The following GNAI3 variants were observed in gnomAD, a reference collection of about 807,000 sequenced individuals.
GNAI3 encodes G protein subunit alpha i3.
GNAI3 carries 12 observed loss-of-function variants against 41.8 expected under a neutral mutation model. The ratio of observed to expected loss-of-function variants is 0.29; its 90% CI spans 0.18 to 0.47. The LOEUF (loss-of-function observed/expected upper bound fraction) is 0.47, where lower values mean the gene tolerates loss of function less well. Among genes scored for constraint, GNAI3 ranks in the 20% least tolerant of loss-of-function variants. GNAI3 has a pLI of 1.00. For synonymous variants in GNAI3, 132 were observed against 146.5 expected, an observed-to-expected ratio of 0.90 and a Z score of 0.71; for missense variants, 360 against 429.6, an observed-to-expected ratio of 0.84 and a Z score of 1.43.
At chr1:109,569,830 C>T (rs1396324368) in intron 1 of GNAI3, among the ~76,000 whole-genome samples, 3 of 150,642 alleles carry the variant, frequency 2.0e-5, no homozygotes, top group Non-Finnish European at 3.0e-5. Context: ...TTTTAATCAG[C>T]GCATCCATAG....
chr1:109,571,587 G>A (rs1203653385), intron 1 of GNAI3, among the ~76,000 whole-genome samples: 1 of 152,200 alleles, frequency 6.6e-6, no homozygotes, highest in Non-Finnish European at 1.5e-5. Flanking sequence ...CTCACTAGAT[G>A]TTAACTGTTA....
At chr1:109,583,163 T>A (rs1648938041) in intron 5 of GNAI3, among the ~76,000 whole-genome samples, 1 of 152,188 alleles carries the variant, frequency 6.6e-6, no homozygotes, top group Non-Finnish European at 1.5e-5. Context: ...AGAGGTATTT[T>A]GGGTTGGTAA....
At chr1:109,557,237 T>G (rs931368400) in intron 1 of GNAI3, among the ~76,000 whole-genome samples, 15 of 152,106 alleles carry the variant, frequency 9.9e-5, no homozygotes, top group African/African-American at 3.6e-4. Context: ...GCCTCGCCAT[T>G]GGTGAAACTG....
intron 6 of GNAI3, 101 bp downstream of exon 6, chr1:109,586,446 A>C (rs921544289): frequency 8.5e-7 from 1 of 1,180,716 alleles, no homozygotes; most frequent in Admixed American, 2.3e-5. Context: ...ATTCAACCAA[A>C]ACTTAGTATC....
chr1:109,556,967 ACT>A (rs1482248752), intron 1 of GNAI3, among the ~76,000 whole-genome samples: 2 of 152,096 alleles, frequency 1.3e-5, no homozygotes, highest in Non-Finnish European at 2.9e-5. Flanking sequence ...AGACAGTCTC[ACT>A]CTGTTGCCCA....
chr1:109,591,525 G>C (rs1649170920), intron 7 of GNAI3: 1 of 896,816 alleles, frequency 1.1e-6, no homozygotes, highest in Non-Finnish European at 1.8e-6. Context: ...ATCCGACCCA[G>C]TTGTTTTAAA....
intron 1 of GNAI3, among the ~76,000 whole-genome samples, chr1:109,563,213 C>T (rs935832016): frequency 2.0e-5 from 3 of 152,138 alleles, no homozygotes; most frequent in Admixed American, 2.0e-4. Context: ...GAAACTCCGT[C>T]TCTACTAAAA....
At chr1:109,552,855 G>A (rs1246798932) in intron 1 of GNAI3, among the ~76,000 whole-genome samples, 1 of 151,882 alleles carries the variant, frequency 6.6e-6, no homozygotes, top group African/African-American at 2.4e-5. Context: ...CTGGTATAAT[G>A]GATAAGAGCA....
At chr1:109,566,426 G>GA (rs1306630399) in intron 1 of GNAI3, among the ~76,000 whole-genome samples, 3 of 151,992 alleles carry the variant, frequency 2.0e-5, no homozygotes, top group South Asian at 2.1e-4. Flanking sequence ...CATGTTTGTT[G>GA]AAAAAAAATT....
chr1:109,578,328 G>C (rs1328588696), intron 3 of GNAI3, among the ~76,000 whole-genome samples: 1 of 151,896 alleles, frequency 6.6e-6, no homozygotes, highest in Non-Finnish European at 1.5e-5. Flanking sequence ...AAATTAGCTG[G>C]GCATGGTGGC....
chr1:109,551,396 C>G (rs1420627778), intron 1 of GNAI3, among the ~76,000 whole-genome samples: 2 of 152,138 alleles, frequency 1.3e-5, no homozygotes, highest in Non-Finnish European at 2.9e-5. Flanking sequence ...GTCATTTTTA[C>G]TTTATCACTA....
intron 1 of GNAI3, among the ~76,000 whole-genome samples, chr1:109,555,285 C>T (rs1648109909): frequency 1.3e-5 from 2 of 152,164 alleles, no homozygotes; most frequent in Non-Finnish European, 2.9e-5. Flanking sequence ...TCGAACTATA[C>T]TGTAAGGCCA....
chr1:109,582,423 T>C lies in GNAI3; in HGVS notation c.462-14T>C. Reference sequence around the variant, plus strand: ...TGGCTTCACCAAGTAAAAGTAAACGTGTCTTTTATTTAGTTATCTAAATGA... The same window carrying C: ...TGGCTTCACCAAGTAAAAGTAAACGCGTCTTTTATTTAGTTATCTAAATGA... On this transcript the variant is annotated splice_polypyrimidine_tract_variant and intron_variant, in intron 4 of 8. Transcript: ENST00000369851. 6.2e-7 allele frequency: 1 copy of C among 1,601,412 alleles called. No individual in the cohort carries two copies. The highest frequency in any genetic ancestry group is 8.6e-7 in the Non-Finnish European group (1 of 1,169,008).
At chr1:109,549,118 G>A (rs1647911503) in intron 1 of GNAI3, among the ~76,000 whole-genome samples, 1 of 152,200 alleles carries the variant, frequency 6.6e-6, no homozygotes. Flanking sequence ...TAGATGTTGA[G>A]GGAGTAGGAA....
chr1:109,590,196 G>A (rs1649133896), intron 7 of GNAI3, among the ~76,000 whole-genome samples: 1 of 152,186 alleles, frequency 6.6e-6, no homozygotes, highest in East Asian at 1.9e-4. Context: ...AGGGAGGTGA[G>A]AATAAGGTGA....
chr1:109,588,120 C>G (rs1257390867), intron 7 of GNAI3, among the ~76,000 whole-genome samples: 2 of 152,092 alleles, frequency 1.3e-5, no homozygotes, highest in East Asian at 3.9e-4. Context: ...GTGGCTCACG[C>G]CTGTAATCCC....
Position 109,598,778 on chromosome 1 carries a change from C to T in GNAI3, c.*6456C>T. 2.1e-6 allele frequency: 1 copy of T among 470,566 alleles called. No homozygotes were observed. The highest frequency in any genetic ancestry group is 4.6e-6 in the Non-Finnish European group (1 of 218,554). 29.1% of individuals were successfully genotyped at this position (470,566 alleles called of 1,614,324 possible). ...AGTTCCCTTCTGCAGTCTCCAGTGTCTTCTGACCTCACAGAAATGTTTTCA... is the reference window on the plus strand; with the variant it reads ...AGTTCCCTTCTGCAGTCTCCAGTGTTTTCTGACCTCACAGAAATGTTTTCA... On this transcript the variant is annotated 3_prime_UTR_variant, in exon 9 of 9. Coordinates refer to ENST00000369851, the MANE Select transcript of GNAI3 (RefSeq NM_006496.4).
intron 7 of GNAI3, among the ~76,000 whole-genome samples, chr1:109,591,304 CT>C (rs11369270): frequency 3.6e-4 from 53 of 148,330 alleles, no homozygotes; most frequent in African/African-American, 8.6e-4. Flanking sequence ...TGTTGAATTC[CT>C]TTTTTTTTTG....
At position 109,595,323 on chromosome 1, in the gene GNAI3, C is replaced by T. The variant is rs959787087; in HGVS notation, c.*3001C>T. The T allele has an allele frequency of 1.3e-5, 2 of 152,196 alleles. No individual in the cohort carries two copies. Among genetic ancestry groups the T allele is most frequent in the African/African-American group, 2.4e-5 (1 of 41,442 alleles). 9.4% of individuals were successfully genotyped at this position (152,196 alleles called of 1,614,324 possible). ...AATTCCAAAAACTTTAACAATTACT[C>T]ATAAGTGGATCTTGAGATGACATTT... On this transcript the variant is annotated 3_prime_UTR_variant, in exon 9 of 9. Coordinates refer to ENST00000369851, the MANE Select transcript of GNAI3 (RefSeq NM_006496.4).
Sources: allele counts gnomAD v4.1 joint callset (sites outside exome capture counted in the v4.1 genomes callset), GRCh38; gene constraint gnomAD v4.1.1; transcripts MANE v1.5; gene names NCBI Gene and HGNC (gene_info 2026-07-23, HGNC 2026-07-21).